ALK: variants seen among roughly 807,000 people sequenced by gnomAD.
The protein encoded by ALK is ALK receptor tyrosine kinase.
In ALK, 74 loss-of-function variants were observed where a neutral mutation model predicts 163.1. The ratio of observed to expected loss-of-function variants is 0.45; its 90% confidence interval spans 0.38 to 0.55. ALK has a LOEUF of 0.55. Ranked by LOEUF, ALK falls within the 20% of genes least tolerant of loss-of-function variation. The probability of loss-of-function intolerance (pLI) is 0.00; values close to 1 mark genes in which losing one functional copy is unlikely to be tolerated. For missense variants in ALK, 2,063 were observed against 2,105.3 expected, an observed-to-expected ratio of 0.98 and a Z score of 0.39; for synonymous variants, 960 against 843.2, an observed-to-expected ratio of 1.14 and a Z score of -2.40.
intron 4 of ALK, among the ~76,000 whole-genome samples, chr2:29,445,624 C>A (rs1162083112): frequency 1.3e-5 from 2 of 151,768 alleles, no homozygotes; most frequent in African/African-American, 2.4e-5. Flanking sequence ...AGTTTGAGAC[C>A]AGCCTGAACA....
chr2:29,278,738 T>G (rs1665608561), intron 9 of ALK, among the ~76,000 whole-genome samples: 1 of 151,850 alleles, frequency 6.6e-6, no homozygotes, highest in South Asian at 2.1e-4. Context: ...ACAGAGAGGG[T>G]GAATAGAAGG....
chr2:29,586,947 C>T (rs1452695165), intron 3 of ALK, among the ~76,000 whole-genome samples: 1 of 152,120 alleles, frequency 6.6e-6, no homozygotes, highest in East Asian at 1.9e-4. Flanking sequence ...GGGACCAGTT[C>T]CAGGACGGAG....
intron 5 of ALK, among the ~76,000 whole-genome samples, chr2:29,343,504 C>G (rs971316819): frequency 6.6e-6 from 1 of 152,134 alleles, no homozygotes; most frequent in Non-Finnish European, 1.5e-5. Context: ...CATGAGCCAC[C>G]GCACCAGGCC....
At chr2:29,228,215 A>G (rs976826427) in intron 16 of ALK, among the ~76,000 whole-genome samples, 2 of 152,230 alleles carry the variant, frequency 1.3e-5, no homozygotes, top group Admixed American at 1.3e-4. Flanking sequence ...GGTTAACACA[A>G]GCATCTTACA....
intron 1 of ALK, among the ~76,000 whole-genome samples, chr2:29,836,548 A>G (rs1456719779): frequency 6.6e-6 from 1 of 152,208 alleles, no homozygotes; most frequent in Non-Finnish European, 1.5e-5. Context: ...TTGTGGCCCC[A>G]TCCAACTAGA....
chr2:29,410,762 G>A (rs1281451080), intron 4 of ALK, among the ~76,000 whole-genome samples: 1 of 152,240 alleles, frequency 6.6e-6, no homozygotes, highest in Admixed American at 6.5e-5. Context: ...TGCCATGAAT[G>A]AACCTTGGAG....
intron 3 of ALK, among the ~76,000 whole-genome samples, chr2:29,612,598 T>C (rs1226398874): frequency 4.6e-5 from 7 of 152,094 alleles, no homozygotes; most frequent in Admixed American, 4.6e-4. Context: ...GCTCCCGAAT[T>C]CCCCCAAAAC....
chr2:29,626,175 C>G (rs1676189117), intron 3 of ALK, among the ~76,000 whole-genome samples: 1 of 152,078 alleles, frequency 6.6e-6, no homozygotes, highest in Admixed American at 6.6e-5. Flanking sequence ...AGGTGGGACC[C>G]TTGGGAGGTA....
At chr2:29,775,502 C>T (rs1416674753) in intron 1 of ALK, among the ~76,000 whole-genome samples, 8 of 151,242 alleles carry the variant, frequency 5.3e-5, no homozygotes, top group African/African-American at 2.0e-4. Flanking sequence ...AAACCTGTTC[C>T]ACCATGTAGG....
Position 29,479,862 on chromosome 2 carries a change from G to A in ALK, c.1154+52053C>T, listed in dbSNP as rs116208484. On this transcript the variant is annotated intron_variant, in intron 4 of 28. Transcript: ENST00000389048. ...TTCTTCTCAGGGGTGGAAAGGATAG[G>A]TTCAGACTGGGAAAAGGACATGAGA... 7.7e-3 allele frequency among the ~76,000 whole-genome samples: 1,171 copies of A among 152,318 alleles called. 7 individuals are homozygous for A. Among genetic ancestry groups the A allele is most frequent in the Non-Finnish European group, 0.012 (787 of 68,028 alleles).
chr2:29,856,774 C>T (rs1666150036), intron 1 of ALK, among the ~76,000 whole-genome samples: 1 of 152,198 alleles, frequency 6.6e-6, no homozygotes, highest in South Asian at 2.1e-4. Context: ...AGAAACGGAT[C>T]CTGTGTCCTT....
intron 15 of ALK, 55 bp downstream of exon 15, chr2:29,232,249 C>A (rs1427080362): frequency 3.1e-6 from 5 of 1,612,208 alleles, no homozygotes; most frequent in African/African-American, 1.3e-5. Context: ...GGCATCGGGG[C>A]CCAGCTGAAG....
chr2:29,436,210 T>C (rs1310211886), intron 4 of ALK, among the ~76,000 whole-genome samples: 1 of 152,226 alleles, frequency 6.6e-6, no homozygotes, highest in Non-Finnish European at 1.5e-5. Context: ...ATATTGAGCC[T>C]ACCGTGTGCC....
rs2148159198 is a variant in ALK, at chr2:29,213,971, C to A, written c.3743+13G>T. 1.2e-6 allele frequency: 2 copies of A among 1,609,206 alleles called. No individual in the cohort carries two copies. The highest frequency in any genetic ancestry group is 2.2e-5 in the South Asian group (2 of 90,912). ...GACAGGATGACAGGAAGAGCACAGT[C>A]ACTTTGACTCACCGGTGGATGAAGT... On this transcript the variant is annotated intron_variant, in intron 24 of 28. Coordinates refer to ENST00000389048, the MANE Select transcript of ALK (RefSeq NM_004304.5).
intron 1 of ALK, among the ~76,000 whole-genome samples, chr2:29,903,041 A>G (rs946904825): frequency 5.3e-5 from 8 of 152,206 alleles, no homozygotes; most frequent in Non-Finnish European, 8.8e-5. Flanking sequence ...CTAACTGATG[A>G]TGGTGTCAAG....
chr2:29,490,087 G>A (rs966483050), intron 4 of ALK, among the ~76,000 whole-genome samples: 3 of 152,252 alleles, frequency 2.0e-5, no homozygotes, highest in Non-Finnish European at 1.5e-5. Flanking sequence ...CATCCCTGGG[G>A]ACAAGGGACA....
At chr2:29,348,352 C>A (rs1668014593) in intron 5 of ALK, among the ~76,000 whole-genome samples, 1 of 152,146 alleles carries the variant, frequency 6.6e-6, no homozygotes, top group African/African-American at 2.4e-5. Flanking sequence ...GCACAATTAC[C>A]ATAATAATAA....
chr2:29,895,467 A>G (rs1194739767), intron 1 of ALK, among the ~76,000 whole-genome samples: 4 of 152,238 alleles, frequency 2.6e-5, no homozygotes, highest in African/African-American at 9.6e-5. Context: ...GGCTGGAAGC[A>G]GGAAGCTGCA....
At chr2:29,454,406 G>A (rs1291059769) in intron 4 of ALK, among the ~76,000 whole-genome samples, 1 of 152,088 alleles carries the variant, frequency 6.6e-6, no homozygotes, top group African/African-American at 2.4e-5. Flanking sequence ...TAGGTAAACA[G>A]CTGTGATGCT....
Sources: allele counts gnomAD v4.1 joint callset (sites outside exome capture counted in the v4.1 genomes callset), GRCh38; gene constraint gnomAD v4.1.1; transcripts MANE v1.5; gene names NCBI Gene and HGNC (gene_info 2026-07-23, HGNC 2026-07-21).